FAM209A: variants seen among roughly 807,000 people sequenced by gnomAD.
FAM209A encodes the protein family with sequence similarity 209 member A, also known as protein FAM209A.
Under a neutral mutation model 9.8 loss-of-function variants are expected in FAM209A, and 4 were observed. That is an observed-to-expected ratio of 0.41 (90% CI 0.20 to 0.94). The LOEUF (loss-of-function observed/expected upper bound fraction) is 0.94, where lower values mean the gene tolerates loss of function less well. Ranked by LOEUF, FAM209A falls within the 40% of genes least tolerant of loss-of-function variation. The pLI is 0.32. For missense variants in FAM209A, 205 were observed against 209.4 expected, an observed-to-expected ratio of 0.98 and a Z score of 0.13; for synonymous variants, 55 against 77.8, an observed-to-expected ratio of 0.71 and a Z score of 1.54.
downstream of FAM209A, chr20:56,526,277 G>C (rs1462393785): frequency 2.6e-5 from 16 of 627,038 alleles, no homozygotes; most frequent in Non-Finnish European, 3.8e-5. Context: ...AGCTGTGGGT[G>C]GTGAGAAGAA....
chr20:56,533,045 C>T, the FAM209A span: 1 of 573,958 alleles, frequency 1.7e-6, no homozygotes, highest in Admixed American at 6.4e-5. Flanking sequence ...ATGACGGCCT[C>T]TACCAGCAAA....
the FAM209A span, among the ~76,000 whole-genome samples, chr20:56,531,980 T>C: frequency 6.9e-6 from 1 of 145,716 alleles, no homozygotes; most frequent in Non-Finnish European, 1.5e-5. Context: ...TTTTCTTTTT[T>C]TTTTTTTTTT....
the FAM209A span, chr20:56,533,386 C>T: frequency 6.2e-7 from 1 of 1,614,148 alleles, no homozygotes; most frequent in Non-Finnish European, 8.5e-7. Flanking sequence ...TGTGCCTCAC[C>T]TGCAGCTATG....
downstream of FAM209A, among the ~76,000 whole-genome samples, chr20:56,526,474 A>G (rs11086548): frequency 0.37 from 55,374 of 151,688 alleles, 10,885 homozygotes; most frequent in Non-Finnish European, 0.45. Flanking sequence ...TACAAAAGAC[A>G]GCATTAATGA....
downstream of FAM209A, among the ~76,000 whole-genome samples, chr20:56,529,865 A>G (rs1985682215): frequency 6.6e-6 from 1 of 152,020 alleles, no homozygotes; most frequent in African/African-American, 2.4e-5. Context: ...AAATACAAAT[A>G]CGAAAATTAG....
the FAM209A span, among the ~76,000 whole-genome samples, chr20:56,532,389 C>G: frequency 2.3e-4 from 35 of 152,028 alleles, no homozygotes; most frequent in South Asian, 7.3e-3. Context: ...TGGATGATTT[C>G]ACTTGGCTCT....
chr20:56,530,714 G>C (rs1181445838), downstream of FAM209A, among the ~76,000 whole-genome samples: 1 of 136,092 alleles, frequency 7.3e-6, no homozygotes, highest in Non-Finnish European at 1.5e-5. Flanking sequence ...TCACCATGTT[G>C]GTCAGGCTGG....
At position 56,525,957 on chromosome 20, in the gene FAM209A, C is replaced by T. The variant is rs1054358; in HGVS notation, c.403C>T (p.Arg135Cys). Residue 135 changes from arginine (R) to cysteine (C), a missense_variant, in exon 2 of 2, where the codon CGT becomes TGT. By Grantham distance (180) the Arg-to-Cys change is radical. Transcript: ENST00000371328. ...KFVSKVRNLK[R>C]AMATGSGSNL... ...TGTGTCCAAAGTGCGGAATCTTAAACGTGCCATGGCAACAGGTAGTGGCAG... is the reference window on the plus strand; with the variant it reads ...TGTGTCCAAAGTGCGGAATCTTAAATGTGCCATGGCAACAGGTAGTGGCAG... The T allele has an allele frequency of 9.9e-6, 16 of 1,614,054 alleles. No individual in the cohort carries two copies. The highest frequency in any genetic ancestry group is 4.5e-5 in the East Asian group (2 of 44,900).
downstream of FAM209A, among the ~76,000 whole-genome samples, chr20:56,527,518 A>G (rs944303170): frequency 6.6e-6 from 1 of 152,184 alleles, no homozygotes; most frequent in Non-Finnish European, 1.5e-5. Flanking sequence ...TGCCACATGA[A>G]CTGCAGGCCC....
Position 56,524,778 on chromosome 20 carries a change from T to C in FAM209A, c.-31T>C, listed in dbSNP as rs1985446315. ...GTTGCGAGGGCAAGCAAACCCGTCA[T>C]GAGCAACTCCCTTCCCCATCTCTGC... On this transcript the variant is annotated 5_prime_UTR_variant, in exon 1 of 2. An upstream start codon of the reference 5' UTR is lost. Transcript: ENST00000371328. 2 of 1,611,572 alleles carry C rather than the reference T, an allele frequency of 1.2e-6. No homozygotes were observed. The highest frequency in any genetic ancestry group is 1.3e-5 in the African/African-American group (1 of 75,014).
downstream of FAM209A, chr20:56,526,229 A>C (rs1985526474): frequency 1.8e-6 from 2 of 1,089,204 alleles, no homozygotes; most frequent in East Asian, 5.3e-5. Flanking sequence ...TAGCCATAGC[A>C]GTGATGGTTT....
At chr20:56,528,171 T>C (rs1985616833), downstream of FAM209A, among the ~76,000 whole-genome samples, 1 of 151,998 alleles carries the variant, frequency 6.6e-6, no homozygotes, top group South Asian at 2.1e-4. Context: ...TGGTCCCAGC[T>C]ACTTGGGAGG....
downstream of FAM209A, among the ~76,000 whole-genome samples, chr20:56,529,443 G>A (rs1241715597): frequency 6.6e-6 from 1 of 152,110 alleles, no homozygotes; most frequent in Non-Finnish European, 1.5e-5. Context: ...CTTGAACCCT[G>A]GAGGCGGAGG....
intron 1 of FAM209A, 68 bp downstream of exon 1, chr20:56,525,125 T>C: frequency 6.3e-7 from 1 of 1,588,018 alleles, no homozygotes; most frequent in African/African-American, 1.3e-5. Context: ...AAACGGATGT[T>C]CTAGTGAGTC....
the FAM209A span, chr20:56,533,552 G>A: frequency 1.9e-6 from 3 of 1,614,092 alleles, no homozygotes; most frequent in African/African-American, 1.3e-5. Context: ...TGTGCCGTTT[G>A]TGATACTGCA....
chr20:56,531,969 CTTTTCTTTTTT>C, the FAM209A span, among the ~76,000 whole-genome samples: 20 of 135,484 alleles, frequency 1.5e-4, no homozygotes, highest in African/African-American at 5.6e-4. Flanking sequence ...CTTTTCTTTT[CTTTTCTTTTTT>C]TTTTTTTTTT....
the FAM209A span, among the ~76,000 whole-genome samples, chr20:56,531,937 A>G: frequency 7.2e-6 from 1 of 138,096 alleles, no homozygotes; most frequent in Non-Finnish European, 1.6e-5. Flanking sequence ...GCCTGGCCCA[A>G]TGTATACTCT....
At chr20:56,530,027 A>G (rs1477487984), downstream of FAM209A, among the ~76,000 whole-genome samples, 1 of 152,042 alleles carries the variant, frequency 6.6e-6, no homozygotes, top group East Asian at 1.9e-4. Flanking sequence ...TCTCAAAACA[A>G]CAACGACAAC....
At chr20:56,525,449 A>T (rs1600846942) in intron 1 of FAM209A, among the ~76,000 whole-genome samples, 1 of 152,314 alleles carries the variant, frequency 6.6e-6, no homozygotes, top group Non-Finnish European at 1.5e-5. Flanking sequence ...AGCTAAATGG[A>T]AATGATATCA....
Sources: gnomAD v4.1 joint callset for allele counts (sites outside exome capture counted in the v4.1 genomes callset) on GRCh38, gnomAD v4.1.1 for gene constraint, MANE v1.5 for transcripts, NCBI Gene and HGNC (gene_info 2026-07-23, HGNC 2026-07-21) for gene names.